Variants in CNTN6 observed in about 807,000 individuals in gnomAD.
CNTN6 encodes the protein contactin 6.
Under a neutral mutation model 122.8 loss-of-function variants are expected in CNTN6, and 137 were observed. The observed-to-expected ratio is 1.12, with a 90% confidence interval of 0.97 to 1.29. The LOEUF is 1.29. CNTN6 is among the 50% of genes most tolerant of loss of function. CNTN6 has a pLI of 0.00. For missense variants in CNTN6, 1,634 were observed against 1,223.4 expected (o/e 1.34, Z -5.01); for synonymous variants, 570 against 426.0 (o/e 1.34, Z -4.16).
intron 4 of CNTN6, among the ~76,000 whole-genome samples, chr3:1,255,020 G>T (rs748681948): frequency 1.3e-5 from 2 of 152,056 alleles, no homozygotes; most frequent in East Asian, 1.9e-4. Context: ...CCAGGCTGGG[G>T]CAACTGCAGT....
chr3:1,329,688 A>G, intron 10 of CNTN6, 97 bp from the exon 11 acceptor site: 1 of 1,023,290 alleles, frequency 9.8e-7, no homozygotes. Flanking sequence ...GGATACAGCT[A>G]TAAATATTAG....
intron 2 of CNTN6, among the ~76,000 whole-genome samples, chr3:1,158,875 T>TAC (rs2093049980): frequency 1.5e-4 from 3 of 19,716 alleles, no homozygotes; most frequent in South Asian, 2.2e-3. Context: ...CACATATATA[T>TAC]ACACATATAT....
At chr3:1,340,052 A>T (rs1438455786) in intron 11 of CNTN6, among the ~76,000 whole-genome samples, 1 of 152,130 alleles carries the variant, frequency 6.6e-6, no homozygotes, top group Non-Finnish European at 1.5e-5. Flanking sequence ...CAACATACCT[A>T]TGAGAGGCAT....
At chr3:1,357,262 G>C (rs1219614556) in intron 12 of CNTN6, among the ~76,000 whole-genome samples, 4 of 151,800 alleles carry the variant, frequency 2.6e-5, no homozygotes, top group Non-Finnish European at 5.9e-5. Context: ...AGTTGAAGGA[G>C]ACCAGACACA....
chr3:1,340,305 A>G (rs761497641), intron 11 of CNTN6, among the ~76,000 whole-genome samples: 1 of 152,150 alleles, frequency 6.6e-6, no homozygotes, highest in Non-Finnish European at 1.5e-5. Context: ...AAATCTTCTG[A>G]AAATAGTGAT....
At chr3:1,306,411 A>ACG (rs1698360991) in intron 7 of CNTN6, among the ~76,000 whole-genome samples, 1 of 152,192 alleles carries the variant, frequency 6.6e-6, no homozygotes, top group African/African-American at 2.4e-5. Flanking sequence ...TCTTCAAGCC[A>ACG]ATTATTCAGA....
chr3:1,259,687 G>A (rs1288252374), intron 4 of CNTN6, among the ~76,000 whole-genome samples: 1 of 152,036 alleles, frequency 6.6e-6, no homozygotes, highest in Non-Finnish European at 1.5e-5. Context: ...GTATGACTTT[G>A]CATGTTACAT....
chr3:1,316,026 T>C (rs903543532), intron 7 of CNTN6, among the ~76,000 whole-genome samples: 6 of 152,008 alleles, frequency 3.9e-5, no homozygotes, highest in Admixed American at 6.6e-5. Flanking sequence ...GGTTTTGAAA[T>C]GATAGTAATC....
intron 2 of CNTN6, among the ~76,000 whole-genome samples, chr3:1,177,387 GGGATGA>G (rs2093471176): frequency 2.0e-5 from 3 of 152,134 alleles, no homozygotes. Context: ...GTGGAATTTA[GGGATGA>G]AATGTGATAC....
intron 2 of CNTN6, among the ~76,000 whole-genome samples, chr3:1,171,977 GC>G (rs1298173324): frequency 6.6e-6 from 1 of 152,078 alleles, no homozygotes; most frequent in Non-Finnish European, 1.5e-5. Context: ...TTCTCATAAA[GC>G]CTCAGCCTTC....
At chr3:1,162,252 A>T (rs1433940638) in intron 2 of CNTN6, among the ~76,000 whole-genome samples, 1 of 151,536 alleles carries the variant, frequency 6.6e-6, no homozygotes, top group Non-Finnish European at 1.5e-5. Flanking sequence ...GGAAACAATA[A>T]TGATTTCTTT....
intron 20 of CNTN6, 58 bp from the exon 21 acceptor site, chr3:1,401,375 C>A: frequency 7.2e-7 from 1 of 1,390,672 alleles, no homozygotes; most frequent in Non-Finnish European, 1.0e-6. Context: ...GTTGATGCAT[C>A]ATACTTTGAC....
chr3:1,310,478 G>C (rs1699052446), intron 7 of CNTN6, among the ~76,000 whole-genome samples: 1 of 152,018 alleles, frequency 6.6e-6, no homozygotes, highest in Non-Finnish European at 1.5e-5. Context: ...TTTTGTTGTG[G>C]TGCATAAGTC....
intron 2 of CNTN6, among the ~76,000 whole-genome samples, chr3:1,184,179 A>G (rs1254238938): frequency 1.3e-5 from 2 of 152,208 alleles, no homozygotes; most frequent in African/African-American, 4.8e-5. Flanking sequence ...CACAGGTTCC[A>G]CCTACACTCA....
At chr3:1,100,335 G>T (rs1559310259) in intron 1 of CNTN6, among the ~76,000 whole-genome samples, 1 of 152,114 alleles carries the variant, frequency 6.6e-6, no homozygotes, top group East Asian at 1.9e-4. Context: ...TCTGTTCCAT[G>T]ATCTTCTGGA....
At chr3:1,257,399 C>A (rs1234813833) in intron 4 of CNTN6, among the ~76,000 whole-genome samples, 2 of 151,976 alleles carry the variant, frequency 1.3e-5, no homozygotes, top group Non-Finnish European at 2.9e-5. Context: ...CTTTTTGTGG[C>A]ACATGCAGAA....
At chr3:1,298,561 G>A (rs1696672580) in intron 7 of CNTN6, among the ~76,000 whole-genome samples, 1 of 152,130 alleles carries the variant, frequency 6.6e-6, no homozygotes, top group African/African-American at 2.4e-5. Context: ...ATACTTTTAA[G>A]CCAGGAAAAT....
At chr3:1,323,955 G>T (rs2125981715) in intron 8 of CNTN6, among the ~76,000 whole-genome samples, 1 of 139,876 alleles carries the variant, frequency 7.1e-6, no homozygotes, top group Non-Finnish European at 1.5e-5. Context: ...TGAAACCTTT[G>T]TAAGTTATGT....
At chr3:1,120,384 T>A (rs2125057433) in intron 1 of CNTN6, among the ~76,000 whole-genome samples, 1 of 152,086 alleles carries the variant, frequency 6.6e-6, no homozygotes, top group African/African-American at 2.4e-5. Context: ...TCTTTTTAGT[T>A]TTAGTCATTA....
Sources: allele counts gnomAD v4.1 joint callset (sites outside exome capture counted in the v4.1 genomes callset), GRCh38; gene constraint gnomAD v4.1.1; transcripts MANE v1.5; gene names NCBI Gene and HGNC (gene_info 2026-07-23, HGNC 2026-07-21).